The following UCK2 variants were observed in gnomAD, a reference collection of about 807,000 sequenced individuals.
The protein encoded by UCK2 is cytidine monophosphokinase 2.
UCK2 carries 6 observed loss-of-function variants against 30.8 expected under a neutral mutation model. The ratio of observed to expected loss-of-function variants is 0.19; its 90% CI spans 0.11 to 0.38. The LOEUF is 0.38. Among genes scored for constraint, UCK2 ranks in the 10% least tolerant of loss-of-function variants. The pLI is 1.00. For synonymous variants in UCK2, 125 were observed against 133.6 expected (o/e 0.94, Z 0.45); for missense variants, 210 against 339.8 (o/e 0.62, Z 3.00).
intron 1 of UCK2, among the ~76,000 whole-genome samples, chr1:165,833,489 C>T (rs1654105859): frequency 6.6e-6 from 1 of 152,106 alleles, no homozygotes; most frequent in Admixed American, 6.6e-5. Context: ...CCAGTAGTTC[C>T]TATCCTGCTG....
intron 1 of UCK2, among the ~76,000 whole-genome samples, chr1:165,881,304 A>G (rs1345722475): frequency 6.6e-6 from 1 of 151,432 alleles, no homozygotes; most frequent in African/African-American, 2.4e-5. Flanking sequence ...GGTTATAGTC[A>G]GAGTATTTGT....
chr1:165,895,733 T>C, intron 3 of UCK2: 2 of 826,190 alleles, frequency 2.4e-6, no homozygotes, highest in Non-Finnish European at 2.9e-6. Flanking sequence ...GCCTCAGGAC[T>C]GGCGGGGAGG....
At chr1:165,901,841 A>G (rs1447033602) in intron 4 of UCK2, among the ~76,000 whole-genome samples, 10 of 150,330 alleles carry the variant, frequency 6.7e-5, no homozygotes, top group Non-Finnish European at 1.5e-4. Flanking sequence ...TAAAGAGTGT[A>G]TGGGCTGCCT....
At chr1:165,835,950 C>A (rs561584826) in intron 1 of UCK2, among the ~76,000 whole-genome samples, 2 of 152,132 alleles carry the variant, frequency 1.3e-5, no homozygotes, top group Middle Eastern at 3.2e-3. Context: ...TGGATACTGC[C>A]GGGCGCGGTG....
chr1:165,837,192 T>C (rs1489770894), intron 1 of UCK2, among the ~76,000 whole-genome samples: 1 of 152,192 alleles, frequency 6.6e-6, no homozygotes, highest in African/African-American at 2.4e-5. Context: ...TGGAGGACAC[T>C]TTCAAACCAC....
At chr1:165,887,773 C>CG (rs1437496965) in intron 1 of UCK2, among the ~76,000 whole-genome samples, 5 of 151,156 alleles carry the variant, frequency 3.3e-5, no homozygotes, top group South Asian at 4.2e-4. Flanking sequence ...CTTTGATTTC[C>CG]CCCCCCACCC....
chr1:165,901,823 C>A (rs1647476692), intron 4 of UCK2, among the ~76,000 whole-genome samples: 1 of 151,686 alleles, frequency 6.6e-6, no homozygotes, highest in South Asian at 2.1e-4. Flanking sequence ...ACAGAAGACT[C>A]TATTTAATAA....
rs1557846674 is a variant in UCK2, at chr1:165,890,184, G to A, written c.100-20G>A. On this transcript the variant is annotated intron_variant, in intron 1 of 6. Transcript: ENST00000367879. The stretch of plus-strand genomic sequence containing the variant: ...CGTGCCCTTTCTCTTATTCCTGGGT[G>A]CTCTCTTCTCTCCTCACAGTCTTCC... 1 of 1,613,264 alleles carries A rather than the reference G, an allele frequency of 6.2e-7. No homozygotes were observed. Among genetic ancestry groups the A allele is most frequent in the Non-Finnish European group, 8.5e-7 (1 of 1,179,658 alleles).
intron 3 of UCK2, among the ~76,000 whole-genome samples, chr1:165,892,964 T>G (rs1428545243): frequency 1.3e-5 from 2 of 151,980 alleles, no homozygotes; most frequent in African/African-American, 4.8e-5. Flanking sequence ...AGACCTCAGG[T>G]CATGAAGGGC....
At chr1:165,882,885 C>CAT (rs1655532691) in intron 1 of UCK2, among the ~76,000 whole-genome samples, 1 of 152,096 alleles carries the variant, frequency 6.6e-6, no homozygotes, top group African/African-American at 2.4e-5. Context: ...AGTGCAGTGG[C>CAT]ATGATCTCAG....
At chr1:165,853,999 A>G (rs923705952) in intron 1 of UCK2, among the ~76,000 whole-genome samples, 6 of 152,208 alleles carry the variant, frequency 3.9e-5, no homozygotes, top group African/African-American at 1.4e-4. Flanking sequence ...TGGATGCTGA[A>G]TGTTCACCAG....
At chr1:165,884,632 T>C (rs1036612020) in intron 1 of UCK2, among the ~76,000 whole-genome samples, 24 of 152,196 alleles carry the variant, frequency 1.6e-4, no homozygotes, top group African/African-American at 5.6e-4. Context: ...ATTTATTCAG[T>C]GGTCTTGGAA....
intron 1 of UCK2, among the ~76,000 whole-genome samples, chr1:165,854,010 T>G (rs1436584225): frequency 1.3e-5 from 2 of 152,232 alleles, no homozygotes; most frequent in African/African-American, 4.8e-5. Flanking sequence ...TGTTCACCAG[T>G]TCTTTCAACT....
chr1:165,889,476 A>C (rs941067643), intron 1 of UCK2, among the ~76,000 whole-genome samples: 8 of 152,204 alleles, frequency 5.3e-5, no homozygotes, highest in African/African-American at 1.7e-4. Context: ...ATACCAGGGC[A>C]CAAGCAGACA....
At chr1:165,861,351 G>A (rs1057451887) in intron 1 of UCK2, among the ~76,000 whole-genome samples, 5 of 152,048 alleles carry the variant, frequency 3.3e-5, no homozygotes, top group Admixed American at 1.3e-4. Context: ...AAACTCGGCC[G>A]GGCGCGGTGG....
chr1:165,866,593 T>C (rs956894767), intron 1 of UCK2, among the ~76,000 whole-genome samples: 2 of 152,240 alleles, frequency 1.3e-5, no homozygotes, highest in Non-Finnish European at 2.9e-5. Context: ...CATGTTGTTA[T>C]ACAACCGTCA....
intron 1 of UCK2, among the ~76,000 whole-genome samples, chr1:165,857,793 G>A (rs1287749678): frequency 1.3e-5 from 2 of 152,166 alleles, no homozygotes; most frequent in East Asian, 3.9e-4. Context: ...GCTGACATCT[G>A]TCATTCTACC....
At chr1:165,884,589 C>T (rs184108502) in intron 1 of UCK2, among the ~76,000 whole-genome samples, 5 of 152,290 alleles carry the variant, frequency 3.3e-5, no homozygotes, top group South Asian at 4.1e-4. Context: ...GACAAAGAGG[C>T]GACAGAGCTG....
intron 4 of UCK2, chr1:165,900,034 T>G (rs540881272): frequency 6.6e-6 from 1 of 152,400 alleles, no homozygotes; most frequent in Non-Finnish European, 1.5e-5. Context: ...TTTTTTTCCT[T>G]CCTCACGTAT....
Sources: gnomAD v4.1 joint callset for allele counts (sites outside exome capture counted in the v4.1 genomes callset) on GRCh38, gnomAD v4.1.1 for gene constraint, MANE v1.5 for transcripts, NCBI Gene and HGNC (gene_info 2026-07-23, HGNC 2026-07-21) for gene names.